The following DAPK1 variants were observed in gnomAD, a reference collection of about 807,000 sequenced individuals.
DAPK1 encodes death associated protein kinase 1.
A neutral mutation model predicts 144.9 loss-of-function variants in DAPK1; 56 were observed. The ratio of observed to expected loss-of-function variants is 0.39; its 90% confidence interval spans 0.31 to 0.48. The LOEUF (loss-of-function observed/expected upper bound fraction) is 0.48, where lower values mean the gene tolerates loss of function less well. DAPK1 is among the 20% of genes least tolerant of loss of function. The pLI, the probability that DAPK1 is intolerant of heterozygous loss-of-function variation, is 0.95. For synonymous variants in DAPK1, 690 were observed against 749.0 expected (o/e 0.92, Z 1.29); for missense variants, 1,454 against 1,875.4 (o/e 0.78, Z 4.15).
intron 2 of DAPK1, among the ~76,000 whole-genome samples, chr9:87,571,575 G>T (rs1399431295): frequency 1.3e-5 from 2 of 148,548 alleles, no homozygotes; most frequent in Non-Finnish European, 3.0e-5. Context: ...AGAGGGTTTG[G>T]TTCTCCCATT....
intron 2 of DAPK1, among the ~76,000 whole-genome samples, chr9:87,593,276 G>C (rs1320778954): frequency 1.3e-5 from 2 of 152,240 alleles, no homozygotes; most frequent in African/African-American, 4.8e-5. Context: ...CTCTTCGTCA[G>C]TTCAGAGCAG....
intron 21 of DAPK1, among the ~76,000 whole-genome samples, chr9:87,689,723 G>C (rs1824990135): frequency 6.6e-6 from 1 of 152,112 alleles, no homozygotes; most frequent in African/African-American, 2.4e-5. Context: ...TTCTGCATAT[G>C]GATATTCTGT....
At chr9:87,508,192 A>G (rs1824682222) in intron 2 of DAPK1, among the ~76,000 whole-genome samples, 1 of 149,102 alleles carries the variant, frequency 6.7e-6, no homozygotes, top group African/African-American at 2.5e-5. Flanking sequence ...TTGTGTTTTT[A>G]GTAGAGACGG....
At chr9:87,511,839 T>G (rs1444004940) in intron 2 of DAPK1, among the ~76,000 whole-genome samples, 1 of 151,926 alleles carries the variant, frequency 6.6e-6, no homozygotes, top group Non-Finnish European at 1.5e-5. Flanking sequence ...ACCTCCCAAG[T>G]AGCTGGGATT....
At chr9:87,668,972 C>G (rs540722005) in intron 19 of DAPK1, 1 of 282,116 alleles carries the variant, frequency 3.5e-6, no homozygotes, top group Non-Finnish European at 6.8e-6. Context: ...GGGATGAGGA[C>G]GCTGACTCTG....
At chr9:87,509,320 G>T (rs757688423) in intron 2 of DAPK1, among the ~76,000 whole-genome samples, 11 of 152,088 alleles carry the variant, frequency 7.2e-5, no homozygotes, top group Non-Finnish European at 1.3e-4. Flanking sequence ...TATTTCATTG[G>T]CCTATAAATC....
At chr9:87,661,255 T>G (rs1048373095) in intron 18 of DAPK1, among the ~76,000 whole-genome samples, 1 of 149,456 alleles carries the variant, frequency 6.7e-6, no homozygotes, top group Admixed American at 6.6e-5. Context: ...CTACTGTGAG[T>G]AGTCCTGCAG....
intron 25 of DAPK1, among the ~76,000 whole-genome samples, chr9:87,704,041 T>C (rs1825549312): frequency 6.6e-6 from 1 of 152,182 alleles, no homozygotes; most frequent in Admixed American, 6.5e-5. Flanking sequence ...AGCCAGTTTG[T>C]ATGAGTCATA....
chr9:87,638,327 A>G (rs1292810749), intron 4 of DAPK1, among the ~76,000 whole-genome samples: 2 of 152,138 alleles, frequency 1.3e-5, no homozygotes, highest in Non-Finnish European at 1.5e-5. Flanking sequence ...TAAAGAATAC[A>G]AGGGGTCTTA....
intron 2 of DAPK1, among the ~76,000 whole-genome samples, chr9:87,599,577 A>G (rs1828439350): frequency 6.6e-6 from 1 of 152,368 alleles, no homozygotes; most frequent in African/African-American, 2.4e-5. Flanking sequence ...CTTTGTATGT[A>G]TCTGACCATG....
chr9:87,503,603 C>A (rs548550383), intron 2 of DAPK1, among the ~76,000 whole-genome samples: 1 of 152,108 alleles, frequency 6.6e-6, no homozygotes, highest in Admixed American at 6.6e-5. Flanking sequence ...ACTTAGAAGG[C>A]GCTCAGTAAA....
chr9:87,694,839 C>G (rs1442207824), intron 21 of DAPK1, among the ~76,000 whole-genome samples: 4 of 152,134 alleles, frequency 2.6e-5, no homozygotes, highest in Admixed American at 6.5e-5. Flanking sequence ...TTGGAACATA[C>G]AAATGGTGCC....
chr9:87,675,704 G>A (rs1824343057), intron 19 of DAPK1, among the ~76,000 whole-genome samples: 1 of 152,048 alleles, frequency 6.6e-6, no homozygotes, highest in African/African-American at 2.4e-5. Flanking sequence ...TGGCAGCCAG[G>A]GGAGATGTGA....
intron 2 of DAPK1, among the ~76,000 whole-genome samples, chr9:87,587,916 C>T (rs1233184353): frequency 1.3e-5 from 2 of 152,204 alleles, no homozygotes; most frequent in Non-Finnish European, 2.9e-5. Context: ...CAACTATATA[C>T]AATAATAGTA....
Position 87,605,075 on chromosome 9 carries a change from G to C in DAPK1, c.184G>C (p.Glu62Gln), listed in dbSNP as rs768749178. ...SRRGVSREDI[E>Q]REVSILKEIQ... ...GCGGGGTGTGAGCCGCGAGGACATC[G>C]AGCGGGAGGTCAGCATCCTGAAGGA... Residue 62 changes from glutamate to glutamine, a missense_variant, in exon 3 of 26, where the codon GAG (glutamate) becomes CAG (glutamine). Physicochemically the swap from Glu to Gln is conservative, Grantham distance 29. This residue lies in a region of DAPK1 where 429 missense variants were observed against 637.5 expected (regional missense o/e 0.67). Transcript: ENST00000408954. 6.2e-7 allele frequency: 1 copy of C among 1,614,224 alleles called. No individual in the cohort carries two copies.
chr9:87,570,900 A>T (rs981664955), intron 2 of DAPK1, among the ~76,000 whole-genome samples: 9 of 152,122 alleles, frequency 5.9e-5, no homozygotes, highest in Non-Finnish European at 1.3e-4. Flanking sequence ...CCTTGCTTAC[A>T]TGTGGAACTG....
intron 2 of DAPK1, among the ~76,000 whole-genome samples, chr9:87,567,226 T>C (rs1051741968): frequency 6.6e-6 from 1 of 152,218 alleles, no homozygotes; most frequent in African/African-American, 2.4e-5. Flanking sequence ...AGTCAATCTG[T>C]AGCTGATTAT....
chr9:87,701,748 G>A, intron 24 of DAPK1: 1 of 300,488 alleles, frequency 3.3e-6, no homozygotes, highest in Non-Finnish European at 7.2e-6. Context: ...TAACTGCTTT[G>A]CTAATAAGAA....
intron 2 of DAPK1, among the ~76,000 whole-genome samples, chr9:87,555,257 C>T (rs901927850): frequency 2.6e-5 from 4 of 152,198 alleles, no homozygotes; most frequent in African/African-American, 4.8e-5. Flanking sequence ...TAATACAGCA[C>T]GTTCTTAAGC....
Sources: gnomAD v4.1 joint callset for allele counts (sites outside exome capture counted in the v4.1 genomes callset) on GRCh38, gnomAD v4.1.1 for gene constraint, gnomAD v4.1.1 regional missense constraint, MANE v1.5 for transcripts, NCBI Gene and HGNC (gene_info 2026-07-23, HGNC 2026-07-21) for gene names.